SNUPN: variants seen among roughly 807,000 people sequenced by gnomAD.
SNUPN encodes snurportin 1.
SNUPN carries 31 observed loss-of-function variants against 39.2 expected under a neutral mutation model. The ratio of observed to expected loss-of-function variants is 0.79; its 90% CI spans 0.59 to 1.07. The LOEUF (loss-of-function observed/expected upper bound fraction) is 1.07, where lower values mean the gene tolerates loss of function less well. SNUPN is among the 50% of genes least tolerant of loss of function. The pLI, the probability that SNUPN is intolerant of heterozygous loss-of-function variation, is 0.00. For missense variants in SNUPN, 382 were observed against 434.2 expected (o/e 0.88, Z 1.07); for synonymous variants, 132 against 159.0 (o/e 0.83, Z 1.28).
chr15:75,615,514 C>A (rs185740904), intron 3 of SNUPN, among the ~76,000 whole-genome samples: 1 of 152,142 alleles, frequency 6.6e-6, no homozygotes, highest in East Asian at 1.9e-4. Flanking sequence ...GTCCTACTTA[C>A]CCTTCAAGGC....
rs111565675 is a variant in SNUPN at position 75,609,481 on chromosome 15, G to A, written c.502+77C>T. ...TGGGATTACAGGCGTGAGCCACCGC[G>A]CCCGGCCCAAAGTGGGTCTTTAAAG... is the stretch of plus-strand genomic sequence containing the variant. On this transcript the variant is annotated intron_variant, in intron 5 of 8. Coordinates refer to ENST00000308588, the MANE Select transcript of SNUPN (RefSeq NM_005701.4). 0.014 allele frequency: 16,627 copies of A among 1,156,280 alleles called. 231 individuals are homozygous for A. The highest frequency in any genetic ancestry group is 0.031 in the South Asian group (2,552 of 81,582). The allele number at this position is 1,156,280 out of a possible 1,614,324, so 71.6% of individuals were successfully genotyped here.
intron 5 of SNUPN, among the ~76,000 whole-genome samples, chr15:75,608,266 T>C (rs1252343663): frequency 6.6e-6 from 1 of 152,026 alleles, no homozygotes; most frequent in Non-Finnish European, 1.5e-5. Context: ...TCCTGTAGTC[T>C]CAGTTACTCA....
chr15:75,622,696 A>G (rs1215434397), intron 1 of SNUPN, among the ~76,000 whole-genome samples: 1 of 152,232 alleles, frequency 6.6e-6, no homozygotes, highest in Non-Finnish European at 1.5e-5. Context: ...GAGCATCAAA[A>G]TCAACAGGTT....
In SNUPN at chr15:75,621,013, A is replaced by G. The variant is rs572041289; in HGVS notation, c.39T>C (p.Ser13=). ...CTGTGCTGTTCAGATCTTGAGACACAGAAAAGCTACTAGCCAGGGCCTGAC... is the reference window on the plus strand; with the variant it reads ...CTGTGCTGTTCAGATCTTGAGACACGGAAAAGCTACTAGCCAGGGCCTGAC... ...ELSQALASSF[S]VSQDLNSTAA... is the part of the protein sequence containing the mutation. Residue 13 remains serine (S), a synonymous_variant, in exon 2 of 9, where the codon TCT becomes TCC. Coordinates refer to ENST00000308588, the MANE Select transcript of SNUPN (RefSeq NM_005701.4). The G allele has an allele frequency of 7.3e-5, 118 of 1,614,110 alleles. No individual in the cohort carries two copies. In the South Asian group the frequency reaches 1.2e-3, roughly 16 times the overall value.
At chr15:75,626,361 C>G (rs1372709474), upstream of SNUPN, 1 of 152,190 alleles carries the variant, frequency 6.6e-6, no homozygotes, top group East Asian at 1.9e-4. Flanking sequence ...AGGGATGGCG[C>G]TCAGTAGACC....
At chr15:75,616,465 G>T (rs1055146373) in intron 3 of SNUPN, among the ~76,000 whole-genome samples, 1 of 148,670 alleles carries the variant, frequency 6.7e-6, no homozygotes, top group East Asian at 2.0e-4. Flanking sequence ...TCTCAAAAAA[G>T]AAAAAAAAAG....
In SNUPN at chr15:75,607,331, A is replaced by C; in HGVS notation, c.503-18T>G. ...GGTGTAGTCTGAGGACACAAAGCAGAAAGTCAGCACAGAGTTCTTCTTCCA... is the reference window on the plus strand; with the variant it reads ...GGTGTAGTCTGAGGACACAAAGCAGCAAGTCAGCACAGAGTTCTTCTTCCA... On this transcript the variant is annotated intron_variant, in intron 5 of 8. Coordinates refer to ENST00000308588, the MANE Select transcript of SNUPN (RefSeq NM_005701.4). 6.4e-7 allele frequency: 1 copy of C among 1,555,446 alleles called. No homozygotes were observed. The highest frequency in any genetic ancestry group is 8.9e-7 in the Non-Finnish European group (1 of 1,126,692).
chr15:75,599,012 C>CA (rs1038574805), intron 8 of SNUPN, among the ~76,000 whole-genome samples: 30 of 151,348 alleles, frequency 2.0e-4, no homozygotes, highest in African/African-American at 7.0e-4. Context: ...ACTAAAAATT[C>CA]AAAAAAATAG....
chr15:75,612,581 T>C (rs555402071), intron 3 of SNUPN, among the ~76,000 whole-genome samples: 32 of 152,222 alleles, frequency 2.1e-4, no homozygotes, highest in African/African-American at 7.7e-4. Context: ...GCTTCACTTG[T>C]GCCTCCTAAT....
At chr15:75,621,128 T>G (rs1893058247) in intron 1 of SNUPN, 72 bp from the exon 2 acceptor site, 1 of 1,411,872 alleles carries the variant, frequency 7.1e-7, no homozygotes, top group Non-Finnish European at 9.8e-7. Context: ...GTTATGCAGT[T>G]ATGATATGAT....
Position 75,601,227 on chromosome 15 carries a change from G to T in SNUPN, c.679-9C>A. On this transcript the variant is annotated splice_polypyrimidine_tract_variant and intron_variant, in intron 7 of 8. Transcript: ENST00000308588. ...AGCCCCACAAATTTAAACTGAAATA[G>T]AAATTAGAACAAGGAATTAGTACGT... 1.3e-6 allele frequency: 2 copies of T among 1,591,878 alleles called. No individual in the cohort carries two copies. Among genetic ancestry groups the T allele is most frequent in the Non-Finnish European group, 1.7e-6 (2 of 1,160,092 alleles).
intron 2 of SNUPN, among the ~76,000 whole-genome samples, chr15:75,620,028 C>G (rs759348954): frequency 1.3e-5 from 2 of 152,250 alleles, no homozygotes; most frequent in African/African-American, 4.8e-5. Context: ...GGATTACAGG[C>G]GTCAGCCACC....
At chr15:75,608,605 G>A (rs1595984032) in intron 5 of SNUPN, among the ~76,000 whole-genome samples, 1 of 152,208 alleles carries the variant, frequency 6.6e-6, no homozygotes, top group East Asian at 1.9e-4. Flanking sequence ...GAGTTTGGCA[G>A]GGAAGCCCCA....
At chr15:75,611,453 C>T (rs977147336) in intron 3 of SNUPN, among the ~76,000 whole-genome samples, 8 of 151,466 alleles carry the variant, frequency 5.3e-5, no homozygotes, top group East Asian at 2.1e-4. Context: ...GGGGTTTCAC[C>T]GTGTTAGCCA....
chr15:75,607,475 C>G (rs2075340194), intron 5 of SNUPN, among the ~76,000 whole-genome samples, 162 bp from the exon 6 acceptor site: 1 of 152,162 alleles, frequency 6.6e-6, no homozygotes, highest in South Asian at 2.1e-4. Flanking sequence ...GGAGAGAACC[C>G]TGCCTGGCTA....
intron 3 of SNUPN, among the ~76,000 whole-genome samples, chr15:75,613,641 T>TAAAAAA (rs1438464447): frequency 9.0e-5 from 1 of 11,110 alleles, no homozygotes. Context: ...AGACTCCAAC[T>TAAAAAA]CAAAAAAAAA....
chr15:75,624,624 G>C (rs113978196), intron 1 of SNUPN: 7 of 666,404 alleles, frequency 1.1e-5, no homozygotes, highest in Non-Finnish European at 1.3e-5. Flanking sequence ...AGTGAGTCGA[G>C]ATCGTGCCAC....
chr15:75,601,972 G>A (rs2075291228), intron 7 of SNUPN, among the ~76,000 whole-genome samples: 1 of 151,944 alleles, frequency 6.6e-6, no homozygotes, highest in Non-Finnish European at 1.5e-5. Context: ...CAAATTCCTG[G>A]GCTCAAGGGA....
At chr15:75,607,157 G>A (rs551416184) in intron 6 of SNUPN, 59 bp downstream of exon 6, 22 of 1,268,290 alleles carry the variant, frequency 1.7e-5, no homozygotes, top group African/African-American at 1.3e-4. Flanking sequence ...ATGCTGAGCC[G>A]CTTTCCCAGG....
Sources: allele counts gnomAD v4.1 joint callset (sites outside exome capture counted in the v4.1 genomes callset), GRCh38; gene constraint gnomAD v4.1.1; transcripts MANE v1.5; gene names NCBI Gene and HGNC (gene_info 2026-07-23, HGNC 2026-07-21).